Variants in INPP4B observed in about 807,000 individuals in gnomAD.
The protein encoded by INPP4B is inositol polyphosphate 4-phosphatase type II.
In INPP4B, 55 loss-of-function variants were observed where a neutral mutation model predicts 122.5. The ratio of observed to expected loss-of-function variants is 0.45; its 90% CI spans 0.36 to 0.56. INPP4B has a LOEUF of 0.56. Ranked by LOEUF, INPP4B falls within the 20% of genes least tolerant of loss-of-function variation. The probability of loss-of-function intolerance (pLI) is 0.00; values close to 1 mark genes in which losing one functional copy is unlikely to be tolerated. For synonymous variants in INPP4B, 403 were observed against 388.7 expected, an observed-to-expected ratio of 1.04 and a Z score of -0.43; for missense variants, 1,000 against 1,097.7, an observed-to-expected ratio of 0.91 and a Z score of 1.26.
chr4:142,710,048 G>T (rs1241390434), intron 2 of INPP4B, among the ~76,000 whole-genome samples: 2 of 152,160 alleles, frequency 1.3e-5, no homozygotes, highest in Non-Finnish European at 2.9e-5. Context: ...GCTCAAGAAG[G>T]ATCCATTCCA....
intron 25 of INPP4B, chr4:142,029,730 C>T (rs1738621410): frequency 2.0e-6 from 2 of 990,798 alleles, no homozygotes; most frequent in South Asian, 9.2e-5. Flanking sequence ...GAAATAAAGT[C>T]TGCAACCTCC....
Position 142,270,679 on chromosome 4 carries a change from T to A in INPP4B, c.599A>T (p.Asp200Val). The A allele has an allele frequency of 6.2e-7, 1 of 1,606,268 alleles. No homozygotes were observed. The highest frequency in any genetic ancestry group is 8.5e-7 in the Non-Finnish European group (1 of 1,172,848). The change falls in exon 10 of 26, where the codon GAT (aspartate) becomes GTT (valine). Residue 200 changes from aspartate (D) to valine (V), a missense_variant. Asp to Val is a radical substitution (Grantham distance 152). Transcript: ENST00000262992. ...AGATCCTACCTTTTGTCCCTGTACA[T>A]CTGTGGTGATGTGGTCGGCTTCCCC... ...EDGEADHITTDVQGQKCALVC... is the reference protein window; with the variant it reads ...EDGEADHITTVVQGQKCALVC...
At chr4:142,544,137 G>GTGTGTGTGTC (rs1829274476) in intron 2 of INPP4B, among the ~76,000 whole-genome samples, 1 of 149,154 alleles carries the variant, frequency 6.7e-6, no homozygotes, top group African/African-American at 2.4e-5. Flanking sequence ...TGTGGTGTGT[G>GTGTGTGTGTC]TGTGTGTGTG....
At chr4:142,302,288 C>G (rs1408713761) in intron 9 of INPP4B, among the ~76,000 whole-genome samples, 3 of 152,152 alleles carry the variant, frequency 2.0e-5, no homozygotes, top group East Asian at 3.8e-4. Flanking sequence ...GTGGTGAAGT[C>G]AAACGTGGAA....
At chr4:142,609,039 G>A (rs999174353) in intron 2 of INPP4B, among the ~76,000 whole-genome samples, 9 of 152,000 alleles carry the variant, frequency 5.9e-5, no homozygotes, top group Non-Finnish European at 1.3e-4. Flanking sequence ...TACATGAAGT[G>A]CCTTTTTCTT....
intron 16 of INPP4B, among the ~76,000 whole-genome samples, chr4:142,172,269 T>C (rs1230468967): frequency 2.0e-5 from 3 of 152,010 alleles, no homozygotes; most frequent in South Asian, 2.1e-4. Flanking sequence ...CAGGTTTTGT[T>C]TGAATCCTGT....
intron 14 of INPP4B, chr4:142,202,784 A>G (rs1478697931): frequency 1.0e-6 from 1 of 985,296 alleles, no homozygotes; most frequent in East Asian, 1.1e-4. Flanking sequence ...ACAACAAACA[A>G]AAACAATGAG....
At chr4:142,273,967 A>G (rs1747159282) in intron 9 of INPP4B, among the ~76,000 whole-genome samples, 1 of 151,906 alleles carries the variant, frequency 6.6e-6, no homozygotes, top group Admixed American at 6.6e-5. Flanking sequence ...TTTACCATAC[A>G]AAGAATACAG....
At chr4:142,188,996 T>C (rs1162913476) in intron 15 of INPP4B, among the ~76,000 whole-genome samples, 3 of 152,202 alleles carry the variant, frequency 2.0e-5, no homozygotes, top group African/African-American at 7.2e-5. Flanking sequence ...ATGTCTACTA[T>C]GTTATAGGTT....
At chr4:142,038,393 T>G (rs1473560700) in intron 25 of INPP4B, among the ~76,000 whole-genome samples, 1 of 152,138 alleles carries the variant, frequency 6.6e-6, no homozygotes, top group Admixed American at 6.5e-5. Context: ...AATCAGGAAA[T>G]TACTCAAAAG....
intron 12 of INPP4B, among the ~76,000 whole-genome samples, chr4:142,212,976 A>G (rs1845540016): frequency 6.6e-6 from 1 of 152,124 alleles, no homozygotes; most frequent in Non-Finnish European, 1.5e-5. Flanking sequence ...TTCATGATTA[A>G]TATTATTCCA....
chr4:142,647,871 G>T (rs561553498), intron 2 of INPP4B, among the ~76,000 whole-genome samples: 2 of 152,338 alleles, frequency 1.3e-5, no homozygotes, highest in East Asian at 1.9e-4. Flanking sequence ...GCTAATGAAG[G>T]TTACTTTCTT....
intron 7 of INPP4B, among the ~76,000 whole-genome samples, chr4:142,381,199 A>C (rs769942822): frequency 6.6e-6 from 1 of 152,096 alleles, no homozygotes; most frequent in African/African-American, 2.4e-5. Context: ...AGGATGCAAA[A>C]ATTTACATTC....
intron 7 of INPP4B, among the ~76,000 whole-genome samples, chr4:142,398,376 T>TAAAAA (rs1183246808): frequency 1.8e-3 from 16 of 8,824 alleles, no homozygotes; most frequent in Admixed American, 4.0e-3. Context: ...AGACTCTGTC[T>TAAAAA]AAAAAAAAAA....
At chr4:142,569,195 A>C (rs1375311915) in intron 2 of INPP4B, among the ~76,000 whole-genome samples, 1 of 152,184 alleles carries the variant, frequency 6.6e-6, no homozygotes, top group Non-Finnish European at 1.5e-5. Flanking sequence ...TCAGCATCTA[A>C]GAAATATAAT....
chr4:142,402,626 C>T (rs1802008506), intron 7 of INPP4B, among the ~76,000 whole-genome samples: 1 of 152,038 alleles, frequency 6.6e-6, no homozygotes, highest in African/African-American at 2.4e-5. Context: ...TTAAATATTG[C>T]CTAATTTCCA....
intron 2 of INPP4B, among the ~76,000 whole-genome samples, chr4:142,562,716 TAGAG>T (rs1323169365): frequency 1.3e-5 from 2 of 151,502 alleles, no homozygotes; most frequent in African/African-American, 4.8e-5. Flanking sequence ...GAAAAAAAAA[TAGAG>T]AGATAATAAA....
chr4:142,651,796 T>C (rs924634502), intron 2 of INPP4B, among the ~76,000 whole-genome samples: 5 of 152,110 alleles, frequency 3.3e-5, no homozygotes, highest in Non-Finnish European at 5.9e-5. Flanking sequence ...GAGATGTACA[T>C]AGAGGAGCTG....
chr4:142,362,658 T>TA (rs200275465), intron 7 of INPP4B, among the ~76,000 whole-genome samples: 1 of 151,650 alleles, frequency 6.6e-6, no homozygotes, highest in African/African-American at 2.4e-5. Context: ...TACACAGCCA[T>TA]AAAAAAATGA....
Sources: allele counts gnomAD v4.1 joint callset (sites outside exome capture counted in the v4.1 genomes callset), GRCh38; gene constraint gnomAD v4.1.1; transcripts MANE v1.5; gene names NCBI Gene and HGNC (gene_info 2026-07-23, HGNC 2026-07-21).